The following CDKL5 variants were observed in gnomAD, a reference collection of about 807,000 sequenced individuals.
CDKL5 encodes the protein cyclin dependent kinase like 5, also known as cyclin-dependent kinase-like 5.
In CDKL5, 8 loss-of-function variants were observed where a neutral mutation model predicts 61.7. The observed-to-expected ratio is 0.13, with a 90% CI of 0.08 to 0.23. The LOEUF (loss-of-function observed/expected upper bound fraction) is 0.23, where lower values mean the gene tolerates loss of function less well. Ranked by LOEUF, CDKL5 falls within the 10% of genes least tolerant of loss-of-function variation. The pLI, the probability that CDKL5 is intolerant of heterozygous loss-of-function variation, is 1.00. For missense variants in CDKL5, 440 were observed against 734.5 expected (o/e 0.60, Z 4.63); for synonymous variants, 275 against 272.3 (o/e 1.01, Z -0.10).
Position 18,608,830 on chromosome X carries a change from C to G in CDKL5, c.1964C>G (p.Pro655Arg). The G allele has an allele frequency of 8.3e-7, 1 of 1,205,928 alleles. No individual in the cohort carries two copies. Among genetic ancestry groups the G allele is most frequent in the Non-Finnish European group, 1.1e-6 (1 of 890,427 alleles). ...TTCCAGCCTGGAGAACAGCTCCCTC[C>G]AGAGATGACTGTGGCAAGATCTTCG... ...LSPQPGEQLP[P>R]EMTVARSSVK... Residue 655 changes from proline to arginine, a missense_variant, in exon 13 of 18, where the codon CCA (proline) becomes CGA (arginine). Pro to Arg is a moderately radical substitution (Grantham distance 103, BLOSUM62 -2). Coordinates refer to ENST00000623535, the MANE Select transcript of CDKL5 (RefSeq NM_001323289.2).
downstream of CDKL5, chrX:18,640,908 C>T (rs1310193020): frequency 8.8e-6 from 1 of 113,052 alleles, no homozygotes; most frequent in Non-Finnish European, 1.9e-5. Flanking sequence ...TAAGGCGCCG[C>T]CTCCAGGAAC....
intron 1 of CDKL5, among the ~76,000 whole-genome samples, chrX:18,481,383 G>A (rs184656060): frequency 4.1e-4 from 39 of 95,637 alleles, no homozygotes; most frequent in South Asian, 9.9e-4. Flanking sequence ...GAGGCAGGGC[G>A]TCACTCTCAC....
At chrX:18,474,624 A>G (rs747166306) in intron 1 of CDKL5, among the ~76,000 whole-genome samples, 4 of 112,379 alleles carry the variant, frequency 3.6e-5, no homozygotes, top group Non-Finnish European at 7.5e-5. Flanking sequence ...CAGCAGATTA[A>G]ATTATTGAAG....
At chrX:18,456,719 G>A (rs1181896330) in intron 1 of CDKL5, among the ~76,000 whole-genome samples, 1 of 111,847 alleles carries the variant, frequency 8.9e-6, no homozygotes, top group Non-Finnish European at 1.9e-5. Flanking sequence ...GCATTGGATA[G>A]TCTGGATCTC....
At chrX:18,540,359 T>G (rs1198824558) in intron 3 of CDKL5, among the ~76,000 whole-genome samples, 4 of 110,882 alleles carry the variant, frequency 3.6e-5, no homozygotes, top group Admixed American at 1.9e-4. Context: ...GTGTTTTTGG[T>G]ATAGATAGGG....
At chrX:18,649,554 A>T (rs1216241334) in intron 20 of CDKL5, among the ~76,000 whole-genome samples, 2 of 111,717 alleles carry the variant, frequency 1.8e-5, no homozygotes, top group Non-Finnish European at 3.8e-5. Context: ...CAATGCACGA[A>T]AGGAATAGGC....
rs183958572 is a variant in CDKL5, at chrX:18,631,082, T to A, written c.*2325T>A. On this transcript the variant is annotated 3_prime_UTR_variant, in exon 18 of 18. Coordinates refer to ENST00000623535, the MANE Select transcript of CDKL5 (RefSeq NM_001323289.2). ...GCTGTGGCATTCGAGGCTCGTCACC[T>A]AGGGGCTGGTTTCCCATGTTGTCAT... The A allele has an allele frequency of 4.2e-3, 3,144 of 749,985 alleles. 13 individuals are homozygous for A. The highest frequency in any genetic ancestry group is 0.015 in the Middle Eastern group (20 of 1,324). 61.8% of individuals were successfully genotyped at this position (749,985 alleles called of 1,213,427 possible).
At chrX:18,618,819 A>AT (rs1926798498) in intron 15 of CDKL5, among the ~76,000 whole-genome samples, 1 of 110,611 alleles carries the variant, frequency 9.0e-6, no homozygotes, top group African/African-American at 3.3e-5. Flanking sequence ...AAGTAAAAAA[A>AT]TTATCCAGGC....
rs756421610 is a variant in CDKL5 at position 18,432,739 on chromosome X, TG to T, written c.-163+7047del. On this transcript the variant is annotated intron_variant, in intron 1 of 17. Coordinates refer to ENST00000623535, the MANE Select transcript of CDKL5 (RefSeq NM_001323289.2). ...CTCCCACCTCAGCCTCCTGAGTAGC[TG>T]GGACTACAGGTGCAGGCTGCCATGC... Among the ~76,000 whole-genome samples the T allele has an allele frequency of 1.0e-3, 110 of 109,579 alleles. 1 individual carries two copies. Among genetic ancestry groups the T allele is most frequent in the East Asian group, 4.4e-3 (15 of 3,405 alleles).
At chrX:18,548,182 C>T (rs760701297) in intron 3 of CDKL5, among the ~76,000 whole-genome samples, 2 of 106,169 alleles carry the variant, frequency 1.9e-5, no homozygotes, top group Admixed American at 2.0e-4. Flanking sequence ...GTATTGATAA[C>T]GCTTGGTATT....
intron 1 of CDKL5, among the ~76,000 whole-genome samples, chrX:18,443,576 C>T (rs892974221): frequency 6.5e-5 from 7 of 108,357 alleles, no homozygotes; most frequent in African/African-American, 2.4e-4. Context: ...TTTTGTTTAA[C>T]TTTTATTTTA....
chrX:18,528,237 A>ATTTTTT (rs749197887), intron 3 of CDKL5, among the ~76,000 whole-genome samples: 12 of 68,419 alleles, frequency 1.8e-4, no homozygotes, highest in Non-Finnish European at 2.0e-4. Flanking sequence ...ACCCATACTC[A>ATTTTTT]TTTTTTTTTT....
intron 3 of CDKL5, among the ~76,000 whole-genome samples, chrX:18,514,091 T>A (rs907009319): frequency 9.0e-6 from 1 of 111,184 alleles, no homozygotes; most frequent in Non-Finnish European, 1.9e-5. Context: ...TAGAAGAAAG[T>A]CACTTTTTTA....
chrX:18,627,576 C>G (rs1045263038), intron 17 of CDKL5: 7 of 111,153 alleles, frequency 6.3e-5, no homozygotes, highest in African/African-American at 2.3e-4. Context: ...GGCTCCTCCC[C>G]TCTGCCCTGA....
chrX:18,451,846 T>C (rs1451990059), intron 1 of CDKL5, among the ~76,000 whole-genome samples: 2 of 112,337 alleles, frequency 1.8e-5, no homozygotes, highest in Non-Finnish European at 3.8e-5. Flanking sequence ...GGCCCCCTTT[T>C]ATATTTTATC....
intron 1 of CDKL5, among the ~76,000 whole-genome samples, chrX:18,504,694 G>A (rs1400774813): frequency 9.0e-6 from 1 of 111,002 alleles, no homozygotes; most frequent in Non-Finnish European, 1.9e-5. Flanking sequence ...CACTTTGGGA[G>A]GCCGAGACGG....
In CDKL5 at chrX:18,622,482, A is replaced by G. The variant is rs758915437; in HGVS notation, c.2376+2516A>G. 4.4e-5 allele frequency among the ~76,000 whole-genome samples: 5 copies of G among 112,460 alleles called. No individual in the cohort carries two copies. The East Asian group carries it at 1.4e-3, about 31-fold the overall frequency. ...ATTGGGTTAACTCTGCCTACTTTGA[A>G]TGAGCATTTAAACTGTTAATAGTTT... On this transcript the variant is annotated intron_variant, in intron 16 of 17. Coordinates refer to ENST00000623535, the MANE Select transcript of CDKL5 (RefSeq NM_001323289.2).
intron 4 of CDKL5, among the ~76,000 whole-genome samples, chrX:18,571,741 T>C (rs1170633108): frequency 9.0e-6 from 1 of 111,317 alleles, no homozygotes; most frequent in Non-Finnish European, 1.9e-5. Flanking sequence ...AACAAAATTA[T>C]AGGATGTACC....
intron 11 of CDKL5, among the ~76,000 whole-genome samples, chrX:18,602,567 A>T (rs962896132): frequency 3.6e-5 from 4 of 111,746 alleles, no homozygotes; most frequent in African/African-American, 1.3e-4. Context: ...GAGATTAGTG[A>T]GTACATTCAA....
Sources: allele counts gnomAD v4.1 joint callset (sites outside exome capture counted in the v4.1 genomes callset), GRCh38; gene constraint gnomAD v4.1.1; transcripts MANE v1.5; gene names NCBI Gene and HGNC (gene_info 2026-07-23, HGNC 2026-07-21).